Variants in SFPQ observed in about 807,000 individuals in gnomAD.
The protein encoded by SFPQ is splicing factor proline and glutamine rich, also known as splicing factor, proline- and glutamine-rich.
Under a neutral mutation model 72.9 loss-of-function variants are expected in SFPQ, and 11 were observed. The observed-to-expected ratio is 0.15, with a 90% CI of 0.09 to 0.25. The LOEUF (loss-of-function observed/expected upper bound fraction) is 0.25, where lower values mean the gene tolerates loss of function less well. Among genes scored for constraint, SFPQ ranks in the 10% least tolerant of loss-of-function variants. SFPQ has a pLI of 1.00. For synonymous variants in SFPQ, 506 were observed against 367.3 expected (o/e 1.38, Z -4.32); for missense variants, 847 against 993.3 (o/e 0.85, Z 1.98).
chr1:35,185,784 TTC>T (rs1487723421), intron 9 of SFPQ, among the ~76,000 whole-genome samples: 21 of 152,336 alleles, frequency 1.4e-4, no homozygotes, highest in African/African-American at 4.1e-4. Flanking sequence ...TGGCTCATTG[TTC>T]TGTGTTCTAC....
rs557234685 is a variant in SFPQ, at chr1:35,192,271, G to A, written c.779C>T (p.Pro260Leu). The stretch of plus-strand genomic sequence containing the variant: ...GCTGCGGCCGCCGGGCCCGCCGGGC[G>A]GGGGCCCCTGGTGATGCTGCTGGTG... Reference protein sequence around the residue: ...PYHQQHHQGPPPGGPGGRSEE... With the variant: ...PYHQQHHQGPLPGGPGGRSEE... Residue 260 changes from proline to leucine, a missense_variant, in exon 1 of 10, where the codon CCG (proline) becomes CTG (leucine). Around this residue, in one of 6 missense-constraint regions of SFPQ, gnomAD observed 498 missense variants for 405.1 expected, o/e 1.23. Coordinates refer to ENST00000357214, the MANE Select transcript of SFPQ (RefSeq NM_005066.3). The A allele has an allele frequency of 1.0e-4, 150 of 1,462,330 alleles. No homozygotes were observed. Among genetic ancestry groups the A allele is most frequent in the Non-Finnish European group, 1.3e-4 (147 of 1,114,628 alleles). The allele number at this position is 1,462,330 out of a possible 1,614,324, so 90.6% of individuals were successfully genotyped here.
chr1:35,185,179 C>CTA (rs1185976693), intron 9 of SFPQ, among the ~76,000 whole-genome samples: 1 of 152,226 alleles, frequency 6.6e-6, no homozygotes, highest in South Asian at 2.1e-4. Flanking sequence ...AAGCATAAGA[C>CTA]TATAGATTTA....
At chr1:35,178,684 G>T, downstream of SFPQ, 18 of 1,055,292 alleles carry the variant, frequency 1.7e-5, no homozygotes, top group Non-Finnish European at 2.1e-5. Context: ...ATGCCTGGCA[G>T]GGCCACAGTG....
chr1:35,187,309 A>T, intron 7 of SFPQ, 58 bp from the exon 8 acceptor site: 1 of 1,449,096 alleles, frequency 6.9e-7, no homozygotes, highest in Non-Finnish European at 9.6e-7. Context: ...AAGCATTCTT[A>T]AGAACTGAGA....
At chr1:35,191,657 A>C in intron 1 of SFPQ, 128 bp from the exon 2 acceptor site, 2 of 672,812 alleles carry the variant, frequency 3.0e-6, no homozygotes, top group South Asian at 2.0e-5. Flanking sequence ...TCAAGGTTTT[A>C]CTATGTGAGA....
At chr1:35,189,973 G>C (rs118105657) in intron 4 of SFPQ, among the ~76,000 whole-genome samples, 1 of 151,674 alleles carries the variant, frequency 6.6e-6, no homozygotes, top group African/African-American at 2.4e-5. Context: ...AAAAAAAAAC[G>C]TACTTCAGCC....
In SFPQ at chr1:35,192,518, G is replaced by C; in HGVS notation, c.532C>G (p.Pro178Ala). Residue 178 changes from proline (P) to alanine (A), a missense_variant, in exon 1 of 10, where the codon CCT becomes GCT. By Grantham distance (27) the Pro-to-Ala change is conservative. Around this residue, in one of 6 missense-constraint regions of SFPQ, gnomAD observed 498 missense variants for 405.1 expected, o/e 1.23. Transcript: ENST00000357214. The stretch of plus-strand genomic sequence containing the variant: ...GGCGGCGGGCCTCCGGCCTGAGGAG[G>C]TGTGGTAGGGACCCCGCTGCTTGGC... Reference protein sequence around the residue: ...TPPSSGVPTTPPQAGGPPPPP... With the variant: ...TPPSSGVPTTAPQAGGPPPPP... 1.5e-6 allele frequency: 2 copies of C among 1,331,246 alleles called. No homozygotes were observed. Among genetic ancestry groups the C allele is most frequent in the Non-Finnish European group, 1.9e-6 (2 of 1,047,990 alleles). 82.5% of individuals were successfully genotyped at this position (1,331,246 alleles called of 1,614,324 possible). A position where few individuals can be genotyped will look rare whatever the true frequency, so the allele number is the denominator to read the frequency against.
downstream of SFPQ, chr1:35,178,139 T>C: frequency 8.8e-7 from 1 of 1,135,192 alleles, no homozygotes; most frequent in South Asian, 2.2e-5. Flanking sequence ...AATCCAGAGA[T>C]AAAGATTGGG....
chr1:35,180,347 A>G, downstream of SFPQ: 1 of 1,044,516 alleles, frequency 9.6e-7, no homozygotes, highest in African/African-American at 1.7e-5. Context: ...AACATTTTGG[A>G]CTATAACATC....
chr1:35,190,431 A>G (rs1420707427), intron 4 of SFPQ, 67 bp downstream of exon 4: 10 of 1,148,504 alleles, frequency 8.7e-6, no homozygotes, highest in Non-Finnish European at 1.3e-5. Context: ...AAATTGGAAA[A>G]TCACTAAAAT....
rs1394053557 is a variant in SFPQ, at chr1:35,191,059, C to G, written c.1018-64G>C. Reference sequence around the variant, plus strand: ...TGGATGATGTCTACTCTTAAATTGTCATAGGCCTACTTCCTACTCCCTTTC... The same window carrying G: ...TGGATGATGTCTACTCTTAAATTGTGATAGGCCTACTTCCTACTCCCTTTC... On this transcript the variant is annotated intron_variant, in intron 2 of 9. Transcript: ENST00000357214. 4.3e-5 allele frequency: 60 copies of G among 1,382,526 alleles called. No individual in the cohort carries two copies. In the East Asian group the frequency reaches 1.4e-3, roughly 32 times the overall value. 85.6% of individuals were successfully genotyped at this position (1,382,526 alleles called of 1,614,324 possible).
chr1:35,182,680 A>G, downstream of SFPQ: 1 of 985,432 alleles, frequency 1.0e-6, no homozygotes, highest in Non-Finnish European at 1.2e-6. Context: ...AAAGAGGTGA[A>G]AAGGAGGAAG....
intron 4 of SFPQ, 73 bp downstream of exon 4, chr1:35,190,425 T>C: frequency 9.2e-7 from 1 of 1,086,802 alleles, no homozygotes; most frequent in Non-Finnish European, 1.4e-6. Context: ...TAAGCAAAAT[T>C]GGAAAATCAC....
downstream of SFPQ, chr1:35,182,535 A>G: frequency 1.0e-6 from 1 of 985,378 alleles, no homozygotes; most frequent in Non-Finnish European, 1.2e-6. Flanking sequence ...TTTCAGCATT[A>G]TCCTGTTTCC....
chr1:35,182,307 G>T (rs1010502597), downstream of SFPQ: 1 of 984,934 alleles, frequency 1.0e-6, no homozygotes, highest in Non-Finnish European at 1.2e-6. Context: ...CCTTGTTTCC[G>T]TACAGAAAAT....
At chr1:35,181,443 T>C, downstream of SFPQ, 1 of 1,063,782 alleles carries the variant, frequency 9.4e-7, no homozygotes, top group African/African-American at 1.6e-5. Context: ...TTTTAGCTGT[T>C]TATATTAGTG....
chr1:35,190,438 A>G lies in SFPQ; in HGVS notation c.1415+60T>C, dbSNP rs1275728447. ...TTTAAGCAAAATTGGAAAATCACTA[A>G]AATAAATTTAACCTTTACACTTGAT... On this transcript the variant is annotated intron_variant, in intron 4 of 9. Coordinates refer to ENST00000357214, the MANE Select transcript of SFPQ (RefSeq NM_005066.3). 6 of 1,216,658 alleles carry G rather than the reference A, an allele frequency of 4.9e-6. No homozygotes were observed. The East Asian group carries it at 1.4e-4, about 29-fold the overall frequency. The allele number at this position is 1,216,658 out of a possible 1,614,324, so 75.4% of individuals were successfully genotyped here.
rs1557791018 is a variant in SFPQ, at chr1:35,183,994, A to G, written c.*462T>C. ...CAATTATTTGTAGAAAGCAATACTTAGCCTCCAGATGCATTTCCCAGAAAT... is the reference window on the plus strand; with the variant it reads ...CAATTATTTGTAGAAAGCAATACTTGGCCTCCAGATGCATTTCCCAGAAAT... On this transcript the variant is annotated 3_prime_UTR_variant, in exon 10 of 10. Coordinates refer to ENST00000357214, the MANE Select transcript of SFPQ (RefSeq NM_005066.3). 8.5e-6 allele frequency: 9 copies of G among 1,056,544 alleles called. No individual in the cohort carries two copies. The highest frequency in any genetic ancestry group is 9.2e-6 in the Non-Finnish European group (8 of 873,654). The allele number at this position is 1,056,544 out of a possible 1,614,324, so 65.4% of individuals were successfully genotyped here.
Position 35,192,730 on chromosome 1 carries a change from G to C in SFPQ, c.320C>G (p.Ser107Cys). ...QQPPPPPQDS[S>C]KPVVAQGPGP... ...GGGTCCCTGAGCAACGACGGGCTTG[G>C]AAGAGTCCTGCGGCGGTGGCGGCGG... Residue 107 changes from serine (S) to cysteine (C), a missense_variant, in exon 1 of 10, where the codon TCC (serine) becomes TGC (cysteine). Coordinates refer to ENST00000357214, the MANE Select transcript of SFPQ (RefSeq NM_005066.3). 5 of 1,496,912 alleles carry C rather than the reference G, an allele frequency of 3.3e-6. No homozygotes were observed. The highest frequency in any genetic ancestry group is 4.4e-6 in the Non-Finnish European group (5 of 1,131,456). The allele number at this position is 1,496,912 out of a possible 1,614,324, so 92.7% of individuals were successfully genotyped here. A position where few individuals can be genotyped will look rare whatever the true frequency, so the allele number is the denominator to read the frequency against.
Sources: gnomAD v4.1 joint callset for allele counts (sites outside exome capture counted in the v4.1 genomes callset) on GRCh38, gnomAD v4.1.1 for gene constraint, gnomAD v4.1.1 regional missense constraint, MANE v1.5 for transcripts, NCBI Gene and HGNC (gene_info 2026-07-23, HGNC 2026-07-21) for gene names.